The following SCCPDH variants were observed in gnomAD, a reference collection of about 807,000 sequenced individuals.
SCCPDH encodes saccharopine dehydrogenase (putative).
SCCPDH carries 34 observed loss-of-function variants against 51.5 expected under a neutral mutation model. The observed-to-expected ratio is 0.66, with a 90% CI of 0.50 to 0.88. The LOEUF (loss-of-function observed/expected upper bound fraction) is 0.88, where lower values mean the gene tolerates loss of function less well. SCCPDH is among the 40% of genes least tolerant of loss of function. The pLI, the probability that SCCPDH is intolerant of heterozygous loss-of-function variation, is 0.00. For missense variants in SCCPDH, 464 were observed against 527.1 expected, an observed-to-expected ratio of 0.88 and a Z score of 1.17; for synonymous variants, 187 against 191.3, an observed-to-expected ratio of 0.98 and a Z score of 0.19.
intron 5 of SCCPDH, among the ~76,000 whole-genome samples, chr1:246,754,610 G>A (rs535159426): frequency 5.3e-5 from 8 of 152,310 alleles, no homozygotes; most frequent in South Asian, 2.1e-4. Context: ...GTCGAGCTCC[G>A]CGAGTGAGCA....
At position 246,726,021 on chromosome 1, in the gene SCCPDH, C is replaced by T. The variant is rs1013690156; in HGVS notation, c.191-871C>T. 2.7e-5 allele frequency among the ~76,000 whole-genome samples: 4 copies of T among 148,278 alleles called. 1 individual carries two copies. In the South Asian group the frequency reaches 6.5e-4, roughly 24 times the overall value. On this transcript the variant is annotated intron_variant, in intron 1 of 11. Coordinates refer to ENST00000366510, the MANE Select transcript of SCCPDH (RefSeq NM_016002.3). The stretch of plus-strand genomic sequence containing the variant: ...CTGGGACTAGAGGCGCCCGCCACCA[C>T]GCCCTGCTAATTTTTTTAGTAGAGA...
chr1:246,751,631 T>C (rs2102987682), intron 5 of SCCPDH, among the ~76,000 whole-genome samples: 1 of 152,332 alleles, frequency 6.6e-6, no homozygotes, highest in Non-Finnish European at 1.5e-5. Flanking sequence ...AATTCCCTTT[T>C]ATAACATTTT....
chr1:246,729,219 C>G (rs1668452577), intron 2 of SCCPDH, among the ~76,000 whole-genome samples: 1 of 152,176 alleles, frequency 6.6e-6, no homozygotes, highest in African/African-American at 2.4e-5. Flanking sequence ...GCTGGGCACG[C>G]ACTGTCATTG....
chr1:246,748,751 A>G (rs145602570), intron 5 of SCCPDH, among the ~76,000 whole-genome samples: 10 of 152,274 alleles, frequency 6.6e-5, no homozygotes, highest in Admixed American at 5.9e-4. Context: ...CAAAGGACCC[A>G]TGTGGGGCAC....
intron 1 of SCCPDH, among the ~76,000 whole-genome samples, chr1:246,725,750 G>A (rs566289315): frequency 1.2e-4 from 18 of 151,900 alleles, no homozygotes; most frequent in Non-Finnish European, 2.4e-4. Flanking sequence ...TTCTTTTTTC[G>A]GCTCAGCAAG....
intron 7 of SCCPDH, 110 bp downstream of exon 7, chr1:246,759,261 C>T (rs1260934210): frequency 1.5e-6 from 1 of 669,424 alleles, no homozygotes; most frequent in African/African-American, 1.8e-5. Context: ...CTAAGTAATA[C>T]ATGTTTCAGC....
At chr1:246,746,585 A>G (rs1416411340) in intron 5 of SCCPDH, among the ~76,000 whole-genome samples, 2 of 152,224 alleles carry the variant, frequency 1.3e-5, no homozygotes, top group African/African-American at 4.8e-5. Flanking sequence ...TCACGCCTGT[A>G]ATCCCAGCAC....
chr1:246,753,539 A>G (rs1211981228), intron 5 of SCCPDH, among the ~76,000 whole-genome samples: 1 of 151,848 alleles, frequency 6.6e-6, no homozygotes, highest in Non-Finnish European at 1.5e-5. Context: ...TGGGATACTG[A>G]TTCTTTAATC....
chr1:246,728,711 T>C (rs1326144022), intron 2 of SCCPDH, among the ~76,000 whole-genome samples: 1 of 152,180 alleles, frequency 6.6e-6, no homozygotes, highest in Non-Finnish European at 1.5e-5. Flanking sequence ...AAATAGAAGC[T>C]GGTTAATAAC....
At chr1:246,728,683 C>T (rs1431114915) in intron 2 of SCCPDH, among the ~76,000 whole-genome samples, 1 of 151,242 alleles carries the variant, frequency 6.6e-6, no homozygotes, top group African/African-American at 2.4e-5. Flanking sequence ...TTTTATTTTT[C>T]TTTTTTTTTA....
At chr1:246,743,782 G>A (rs1668715753) in intron 4 of SCCPDH, among the ~76,000 whole-genome samples, 1 of 152,162 alleles carries the variant, frequency 6.6e-6, no homozygotes, top group Admixed American at 6.5e-5. Context: ...AAAAGATTTT[G>A]TCACAGTGAA....
In SCCPDH at chr1:246,760,510, A is replaced by G. The variant is rs550065111; in HGVS notation, c.990+283A>G. On this transcript the variant is annotated intron_variant, in intron 9 of 11. Transcript: ENST00000366510. ...AGAACCCAGCCATTTAGCTCCAGAA[A>G]TTGTGTTCTCTTCACTTCCAGAAAT... Among the ~76,000 whole-genome samples the G allele has an allele frequency of 7.2e-5, 11 of 152,220 alleles. No individual in the cohort carries two copies. In the South Asian group the frequency reaches 2.1e-3, roughly 29 times the overall value.
At chr1:246,748,904 C>G (rs148880518) in intron 5 of SCCPDH, among the ~76,000 whole-genome samples, 3 of 152,144 alleles carry the variant, frequency 2.0e-5, no homozygotes, top group African/African-American at 4.8e-5. Flanking sequence ...CGCACCTGCT[C>G]GAGGATGAAC....
chr1:246,739,147 T>C (rs1668641898), intron 3 of SCCPDH, among the ~76,000 whole-genome samples: 1 of 152,020 alleles, frequency 6.6e-6, no homozygotes, highest in Non-Finnish European at 1.5e-5. Flanking sequence ...GTGATTGTGT[T>C]TGTGTGTCAC....
chr1:246,736,101 C>T (rs1335929011), intron 3 of SCCPDH, 46 bp downstream of exon 3: 17 of 1,347,008 alleles, frequency 1.3e-5, no homozygotes, highest in Admixed American at 3.7e-5. Context: ...ACATAAATTT[C>T]GGTTTAATGA....
intron 11 of SCCPDH, 119 bp downstream of exon 11, chr1:246,766,258 G>A (rs1669086150): frequency 2.9e-6 from 2 of 697,460 alleles, no homozygotes; most frequent in South Asian, 3.7e-5. Flanking sequence ...CAGTTCCTTT[G>A]CTTCAAAAAT....
Position 246,767,393 on chromosome 1 carries a change from A to G in SCCPDH, c.*93A>G. ...TTCTTCTGTAAGCCTGTCTGAGTGT[A>G]TGTGGAAACGATTGTCAAATCTAAA... On this transcript the variant is annotated 3_prime_UTR_variant, in exon 12 of 12. Coordinates refer to ENST00000366510, the MANE Select transcript of SCCPDH (RefSeq NM_016002.3). 1 of 627,650 alleles carries G rather than the reference A, an allele frequency of 1.6e-6. No homozygotes were observed. Among genetic ancestry groups the G allele is most frequent in the Non-Finnish European group, 2.5e-6 (1 of 399,512 alleles). 38.9% of individuals were successfully genotyped at this position (627,650 alleles called of 1,614,324 possible). A position where few individuals can be genotyped will look rare whatever the true frequency, so the allele number is the denominator to read the frequency against.
chr1:246,756,066 G>GA (rs1266548773), intron 5 of SCCPDH, among the ~76,000 whole-genome samples: 1 of 152,164 alleles, frequency 6.6e-6, no homozygotes, highest in East Asian at 1.9e-4. Flanking sequence ...TAAATGTAAT[G>GA]AAAAAGTGAT....
At chr1:246,750,010 G>A (rs1028881238) in intron 5 of SCCPDH, among the ~76,000 whole-genome samples, 6 of 152,098 alleles carry the variant, frequency 3.9e-5, no homozygotes, top group African/African-American at 7.2e-5. Flanking sequence ...ACCCATTTTC[G>A]CTTTAGCTTG....
Sources: gnomAD v4.1 joint callset for allele counts (sites outside exome capture counted in the v4.1 genomes callset) on GRCh38, gnomAD v4.1.1 for gene constraint, MANE v1.5 for transcripts, NCBI Gene and HGNC (gene_info 2026-07-23, HGNC 2026-07-21) for gene names.